Variants in RETREG1 observed in about 807,000 individuals in gnomAD.
RETREG1 encodes reticulophagy regulator 1.
RETREG1 carries 44 observed loss-of-function variants against 54.8 expected under a neutral mutation model. The observed-to-expected ratio is 0.80, with a 90% confidence interval of 0.63 to 1.03. The LOEUF (loss-of-function observed/expected upper bound fraction) is 1.03, where lower values mean the gene tolerates loss of function less well. Among genes scored for constraint, RETREG1 ranks in the 50% least tolerant of loss-of-function variants. The pLI, the probability that RETREG1 is intolerant of heterozygous loss-of-function variation, is 0.00. For missense variants in RETREG1, 554 were observed against 605.1 expected (o/e 0.92, Z 0.89); for synonymous variants, 217 against 238.5 (o/e 0.91, Z 0.83).
intron 3 of RETREG1, among the ~76,000 whole-genome samples, chr5:16,507,762 C>T (rs1338575196): frequency 2.0e-5 from 3 of 152,132 alleles, no homozygotes. Flanking sequence ...TATTTTGGTG[C>T]CCTTGTTCCT....
At chr5:16,589,546 A>G (rs1742704330) in intron 1 of RETREG1, among the ~76,000 whole-genome samples, 1 of 152,114 alleles carries the variant, frequency 6.6e-6, no homozygotes, top group African/African-American at 2.4e-5. Context: ...TTATATTTTT[A>G]GTAGAGACGG....
intron 3 of RETREG1, among the ~76,000 whole-genome samples, chr5:16,554,474 G>T (rs1005901612): frequency 1.3e-5 from 2 of 152,050 alleles, no homozygotes; most frequent in African/African-American, 4.8e-5. Flanking sequence ...CCCTGCCTGC[G>T]GGCACACCCT....
chr5:16,565,605 C>T lies in RETREG1; in HGVS notation c.458+158G>A, dbSNP rs116382119. On this transcript the variant is annotated intron_variant, in intron 3 of 8. Transcript: ENST00000306320. ...GAGTCCCAACTTCATCCTTGGCCTC[C>T]GATTGATGGTATTTTTCTTCATTTT... Among the ~76,000 whole-genome samples, 928 of 152,154 alleles carry T rather than the reference C, an allele frequency of 6.1e-3. 8 individuals carry two copies. The highest frequency in any genetic ancestry group is 0.021 in the African/African-American group (851 of 41,506).
chr5:16,587,715 T>C (rs1176074111), intron 1 of RETREG1, among the ~76,000 whole-genome samples: 1 of 152,144 alleles, frequency 6.6e-6, no homozygotes, highest in Admixed American at 6.5e-5. Context: ...TAGAAGATGA[T>C]TTTGCTTCTC....
intron 3 of RETREG1, among the ~76,000 whole-genome samples, chr5:16,542,199 G>A (rs1240866580): frequency 1.3e-5 from 2 of 152,182 alleles, no homozygotes; most frequent in Non-Finnish European, 2.9e-5. Context: ...CCCCTCTGCG[G>A]CCACAGGCCA....
chr5:16,608,162 G>T (rs764731761), intron 1 of RETREG1, among the ~76,000 whole-genome samples: 9 of 152,190 alleles, frequency 5.9e-5, no homozygotes, highest in Non-Finnish European at 1.2e-4. Flanking sequence ...TTACAATTGT[G>T]AGCCACCGTG....
chr5:16,614,726 A>G (rs534525145), intron 1 of RETREG1, among the ~76,000 whole-genome samples: 1 of 152,358 alleles, frequency 6.6e-6, no homozygotes, highest in East Asian at 1.9e-4. Flanking sequence ...GTCATTAGCT[A>G]TAATGCTGAA....
intron 3 of RETREG1, among the ~76,000 whole-genome samples, chr5:16,494,173 GC>G (rs1739357789): frequency 6.6e-6 from 1 of 152,090 alleles, no homozygotes; most frequent in South Asian, 2.1e-4. Flanking sequence ...TGCTAAACTT[GC>G]CCTCAGTCTC....
intron 4 of RETREG1, 190 bp downstream of exon 4, chr5:16,483,156 G>T: frequency 1.6e-6 from 1 of 621,932 alleles, no homozygotes; most frequent in Admixed American, 2.8e-5. Flanking sequence ...TTCACAATGT[G>T]AGGCTGAGGA....
intron 3 of RETREG1, among the ~76,000 whole-genome samples, chr5:16,557,654 A>G (rs1741745674): frequency 6.6e-6 from 1 of 152,128 alleles, no homozygotes; most frequent in African/African-American, 2.4e-5. Flanking sequence ...TTTTTGAAAA[A>G]GGGAATAAAA....
At chr5:16,555,082 T>TAC (rs1354191355) in intron 3 of RETREG1, among the ~76,000 whole-genome samples, 9 of 151,552 alleles carry the variant, frequency 5.9e-5, no homozygotes, top group African/African-American at 1.9e-4. Context: ...TCTAACATCA[T>TAC]ATTGCAGTAA....
intron 1 of RETREG1, among the ~76,000 whole-genome samples, chr5:16,583,408 G>A (rs545428590): frequency 2.6e-5 from 4 of 152,116 alleles, no homozygotes; most frequent in East Asian, 1.9e-4. Context: ...TGGGAGAATC[G>A]CCTGAACCCT....
At chr5:16,615,362 T>G (rs771433717) in intron 1 of RETREG1, among the ~76,000 whole-genome samples, 7 of 135,090 alleles carry the variant, frequency 5.2e-5, no homozygotes, top group Non-Finnish European at 1.1e-4. Flanking sequence ...ATCGCGCCAC[T>G]GCACTCCAGC....
At chr5:16,574,501 G>T (rs963592509) in intron 1 of RETREG1, among the ~76,000 whole-genome samples, 1 of 152,188 alleles carries the variant, frequency 6.6e-6, no homozygotes, top group Admixed American at 6.5e-5. Flanking sequence ...TGAGATGCTG[G>T]GTGACGTGGT....
At chr5:16,534,044 TAA>T (rs1358882969) in intron 3 of RETREG1, among the ~76,000 whole-genome samples, 5 of 151,742 alleles carry the variant, frequency 3.3e-5, no homozygotes, top group Admixed American at 3.3e-4. Context: ...CACAGACTTA[TAA>T]GTCGGAAAAT....
intron 3 of RETREG1, among the ~76,000 whole-genome samples, chr5:16,508,172 A>G (rs1016095187): frequency 3.9e-5 from 6 of 152,274 alleles, no homozygotes; most frequent in African/African-American, 1.2e-4. Context: ...CAATGTTTAA[A>G]CTGTGGAAAT....
At position 16,474,357 on chromosome 5, in the gene RETREG1, T is replaced by C. The variant is rs1428071768; in HGVS notation, c.*384A>G. 5.5e-6 allele frequency: 1 copy of C among 180,218 alleles called. No homozygotes were observed. Among genetic ancestry groups the C allele is most frequent in the Non-Finnish European group, 1.2e-5 (1 of 86,014 alleles). 11.2% of individuals were successfully genotyped at this position (180,218 alleles called of 1,614,324 possible). A position where few individuals can be genotyped will look rare whatever the true frequency, so the allele number is the denominator to read the frequency against. ...ATGTATTCACAATTAATTGTTAATA[T>C]TTTTCAGTAAGTTACAATAAACTGT... On this transcript the variant is annotated 3_prime_UTR_variant, in exon 9 of 9. Transcript: ENST00000306320.
chr5:16,491,502 C>G (rs898554686), intron 3 of RETREG1, among the ~76,000 whole-genome samples: 3 of 152,116 alleles, frequency 2.0e-5, no homozygotes, highest in African/African-American at 7.2e-5. Flanking sequence ...AAATAATTAA[C>G]AGTGGTTATT....
chr5:16,595,009 A>G (rs1466265613), intron 1 of RETREG1, among the ~76,000 whole-genome samples: 2 of 152,218 alleles, frequency 1.3e-5, no homozygotes, highest in Non-Finnish European at 1.5e-5. Flanking sequence ...CAGTTGCAAG[A>G]GAGTTTCATA....
Sources: gnomAD v4.1 joint callset for allele counts (sites outside exome capture counted in the v4.1 genomes callset) on GRCh38, gnomAD v4.1.1 for gene constraint, MANE v1.5 for transcripts, NCBI Gene and HGNC (gene_info 2026-07-23, HGNC 2026-07-21) for gene names.